Variants in DAAM1 observed in about 807,000 individuals in gnomAD.
DAAM1 encodes disheveled-associated activator of morphogenesis 1.
A neutral mutation model predicts 130.0 loss-of-function variants in DAAM1; 52 were observed. That is an observed-to-expected ratio of 0.40 (90% CI 0.32 to 0.50). The LOEUF is 0.50. DAAM1 is among the 20% of genes least tolerant of loss of function. DAAM1 has a pLI of 0.61. For missense variants in DAAM1, 1,134 were observed against 1,303.8 expected, an observed-to-expected ratio of 0.87 and a Z score of 2.01; for synonymous variants, 452 against 444.5, an observed-to-expected ratio of 1.02 and a Z score of -0.21.
intron 16 of DAAM1, among the ~76,000 whole-genome samples, chr14:59,341,597 G>T (rs1248521105): frequency 6.6e-6 from 1 of 152,136 alleles, no homozygotes; most frequent in African/African-American, 2.4e-5. Context: ...AGGTATGTAT[G>T]TATAGACAAA....
chr14:59,309,182 C>A (rs990532569), intron 3 of DAAM1, among the ~76,000 whole-genome samples: 1 of 151,942 alleles, frequency 6.6e-6, no homozygotes, highest in Non-Finnish European at 1.5e-5. Flanking sequence ...TACTTTTTTG[C>A]CCCCAAAAAG....
At chr14:59,212,884 C>T (rs902397098) in intron 1 of DAAM1, among the ~76,000 whole-genome samples, 4 of 152,136 alleles carry the variant, frequency 2.6e-5, no homozygotes, top group African/African-American at 9.7e-5. Flanking sequence ...TCTCACATGA[C>T]CTTGAATTTC....
chr14:59,229,206 T>C (rs1320735818), intron 1 of DAAM1, among the ~76,000 whole-genome samples: 1 of 152,222 alleles, frequency 6.6e-6, no homozygotes, highest in Non-Finnish European at 1.5e-5. Flanking sequence ...ACTCCCACTT[T>C]TCATTGAGCG....
At chr14:59,294,144 G>A (rs1427682887) in intron 3 of DAAM1, among the ~76,000 whole-genome samples, 1 of 152,214 alleles carries the variant, frequency 6.6e-6, no homozygotes, top group African/African-American at 2.4e-5. Context: ...AACCGAAACA[G>A]ATGGCGTGAG....
intron 3 of DAAM1, among the ~76,000 whole-genome samples, chr14:59,298,073 T>A (rs959815821): frequency 5.9e-5 from 9 of 152,192 alleles, no homozygotes; most frequent in Admixed American, 2.0e-4. Context: ...CTTAAAATAG[T>A]TTTTTCTGGT....
chr14:59,313,365 A>G (rs547577836), intron 3 of DAAM1, among the ~76,000 whole-genome samples: 15 of 152,380 alleles, frequency 9.8e-5, no homozygotes, highest in Middle Eastern at 6.8e-3. Context: ...AGGCATGTGA[A>G]ATGAAAATGA....
At chr14:59,285,053 T>C (rs1175697150) in intron 2 of DAAM1, among the ~76,000 whole-genome samples, 3 of 151,932 alleles carry the variant, frequency 2.0e-5, no homozygotes, top group Non-Finnish European at 4.4e-5. Flanking sequence ...TAAAGGCAGC[T>C]AGAGAGAAGG....
chr14:59,212,181 C>T (rs979324620), intron 1 of DAAM1, among the ~76,000 whole-genome samples: 1 of 152,160 alleles, frequency 6.6e-6, no homozygotes, highest in Non-Finnish European at 1.5e-5. Context: ...TACTGAGGTT[C>T]TCATGTTTCT....
chr14:59,355,395 T>C (rs1433660202), intron 20 of DAAM1, 62 bp downstream of exon 20: 5 of 1,595,014 alleles, frequency 3.1e-6, no homozygotes, highest in African/African-American at 1.4e-5. Context: ...CTCAGATTTA[T>C]GCCTCTCTGG....
intron 1 of DAAM1, among the ~76,000 whole-genome samples, chr14:59,198,205 T>G (rs933703099): frequency 4.1e-5 from 6 of 146,708 alleles, no homozygotes; most frequent in Non-Finnish European, 7.5e-5. Context: ...TTTCTTTTCT[T>G]TCTTTTTTTT....
At chr14:59,318,059 A>G (rs1464606910) in intron 4 of DAAM1, among the ~76,000 whole-genome samples, 1 of 152,172 alleles carries the variant, frequency 6.6e-6, no homozygotes, top group Middle Eastern at 3.2e-3. Flanking sequence ...GCCTCATTAC[A>G]AGAATGCTTT....
At chr14:59,264,167 A>G (rs969841855) in intron 2 of DAAM1, 2 of 171,492 alleles carry the variant, frequency 1.2e-5, no homozygotes, top group African/African-American at 4.8e-5. Context: ...TATTTAGCCT[A>G]ATGATAGGAT....
At chr14:59,286,617 GAAAC>G (rs1883467082) in intron 2 of DAAM1, among the ~76,000 whole-genome samples, 1 of 151,902 alleles carries the variant, frequency 6.6e-6, no homozygotes, top group South Asian at 2.1e-4. Context: ...TGACCCCACG[GAAAC>G]AAACAAAAAA....
chr14:59,371,003 T>C lies in DAAM1; in HGVS notation c.*2144T>C, dbSNP rs1887146138. On this transcript the variant is annotated 3_prime_UTR_variant, in exon 25 of 25. Coordinates refer to ENST00000360909, the MANE Select transcript of DAAM1 (RefSeq NM_001270520.2). ...CCCTTTTAATCATCCTCCTTTGATATGGCCATCCTGGTGGGCCTCCTTTGC... is the reference window on the plus strand; with the variant it reads ...CCCTTTTAATCATCCTCCTTTGATACGGCCATCCTGGTGGGCCTCCTTTGC... The C allele has an allele frequency of 6.6e-6, 1 of 151,972 alleles. No individual in the cohort carries two copies. The highest frequency in any genetic ancestry group is 2.4e-5 in the African/African-American group (1 of 41,402). 9.4% of individuals were successfully genotyped at this position (151,972 alleles called of 1,614,324 possible).
At chr14:59,355,420 C>T (rs1886439158) in intron 20 of DAAM1, 87 bp downstream of exon 20, 1 of 1,458,054 alleles carries the variant, frequency 6.9e-7, no homozygotes, top group Admixed American at 2.2e-5. Flanking sequence ...CCTCAGCCTT[C>T]ATGACACTGC....
At chr14:59,208,981 C>T (rs1031531357) in intron 1 of DAAM1, among the ~76,000 whole-genome samples, 1 of 152,216 alleles carries the variant, frequency 6.6e-6, no homozygotes, top group African/African-American at 2.4e-5. Flanking sequence ...AGCCCTGTTG[C>T]TGCCATCCAT....
intron 2 of DAAM1, among the ~76,000 whole-genome samples, chr14:59,275,710 G>A (rs899074636): frequency 3.9e-5 from 6 of 152,164 alleles, no homozygotes; most frequent in African/African-American, 1.4e-4. Flanking sequence ...TGCATTGCTT[G>A]CTATTAAGAG....
At chr14:59,209,610 T>C (rs1419962816) in intron 1 of DAAM1, among the ~76,000 whole-genome samples, 2 of 152,200 alleles carry the variant, frequency 1.3e-5, no homozygotes, top group East Asian at 3.8e-4. Context: ...TATTATACAA[T>C]AGGCTTTGTG....
intron 3 of DAAM1, 126 bp downstream of exon 3, chr14:59,291,432 T>A: frequency 1.4e-6 from 1 of 738,912 alleles, no homozygotes; most frequent in Non-Finnish European, 2.1e-6. Flanking sequence ...TGTTATGTTG[T>A]GGCTGTGGTG....
Sources: gnomAD v4.1 joint callset for allele counts (sites outside exome capture counted in the v4.1 genomes callset) on GRCh38, gnomAD v4.1.1 for gene constraint, MANE v1.5 for transcripts, NCBI Gene and HGNC (gene_info 2026-07-23, HGNC 2026-07-21) for gene names.